Variants in SEL1L2 observed in about 807,000 individuals in gnomAD.
SEL1L2 encodes SEL1L2 adaptor subunit of SYVN1 ubiquitin ligase.
In SEL1L2, 89 loss-of-function variants were observed where a neutral mutation model predicts 98.8. The observed-to-expected ratio is 0.90, with a 90% confidence interval of 0.76 to 1.07. The LOEUF (loss-of-function observed/expected upper bound fraction) is 1.07, where lower values mean the gene tolerates loss of function less well. Among genes scored for constraint, SEL1L2 ranks in the 50% least tolerant of loss-of-function variants. The pLI, the probability that SEL1L2 is intolerant of heterozygous loss-of-function variation, is 0.00. For missense variants in SEL1L2, 788 were observed against 812.0 expected (o/e 0.97, Z 0.36); for synonymous variants, 262 against 278.5 (o/e 0.94, Z 0.59).
intron 13 of SEL1L2, 77 bp from the exon 14 acceptor site, chr20:13,869,667 A>G (rs2147851595): frequency 9.4e-7 from 1 of 1,064,978 alleles, no homozygotes; most frequent in South Asian, 1.3e-5. Context: ...ACTTCTTAAA[A>G]AGAGTATAGA....
intron 1 of SEL1L2, among the ~76,000 whole-genome samples, chr20:13,960,941 T>C (rs2050749125): frequency 1.3e-5 from 2 of 152,174 alleles, no homozygotes; most frequent in Admixed American, 6.5e-5. Flanking sequence ...GCGTACACCA[T>C]CAAAAATGTC....
chr20:13,853,833 G>A (rs895884675), intron 18 of SEL1L2, among the ~76,000 whole-genome samples: 14 of 152,116 alleles, frequency 9.2e-5, no homozygotes, highest in Admixed American at 2.6e-4. Context: ...ATACAATAAC[G>A]TATATAACAT....
intron 4 of SEL1L2, among the ~76,000 whole-genome samples, chr20:13,915,857 A>G (rs1005577088): frequency 2.0e-5 from 3 of 152,224 alleles, no homozygotes; most frequent in Non-Finnish European, 1.5e-5. Flanking sequence ...AGACAATTTA[A>G]TTAGTTATCT....
intron 2 of SEL1L2, 112 bp from the exon 3 acceptor site, chr20:13,931,883 A>C: frequency 1.2e-6 from 1 of 801,708 alleles, no homozygotes; most frequent in Non-Finnish European, 1.8e-6. Context: ...GCTTAATGCA[A>C]TTACTCTAAT....
chr20:13,894,836 T>A (rs948644870), intron 5 of SEL1L2, among the ~76,000 whole-genome samples: 1 of 152,204 alleles, frequency 6.6e-6, no homozygotes, highest in African/African-American at 2.4e-5. Flanking sequence ...AGTTAGTAGA[T>A]TGAATCAGTA....
intron 9 of SEL1L2, 116 bp downstream of exon 9, chr20:13,886,172 G>A (rs557339017): frequency 7.5e-5 from 46 of 616,608 alleles, no homozygotes; most frequent in Non-Finnish European, 1.1e-4. Flanking sequence ...AGGAGGGCGG[G>A]TCTCCCCCCA....
chr20:13,873,582 G>T (rs993137162), intron 12 of SEL1L2, among the ~76,000 whole-genome samples: 1 of 151,572 alleles, frequency 6.6e-6, no homozygotes, highest in Admixed American at 6.6e-5. Context: ...GGATGGTCTC[G>T]ATCTCTTGAC....
At chr20:13,894,358 G>A (rs994897437) in intron 5 of SEL1L2, among the ~76,000 whole-genome samples, 12 of 152,288 alleles carry the variant, frequency 7.9e-5, no homozygotes, top group Admixed American at 4.6e-4. Context: ...TCAGGAGTTC[G>A]AGACCAAGCT....
At chr20:13,985,955 T>C (rs936059530) in intron 1 of SEL1L2, among the ~76,000 whole-genome samples, 6 of 152,220 alleles carry the variant, frequency 3.9e-5, no homozygotes, top group Admixed American at 3.3e-4. Flanking sequence ...GTATTCAAGG[T>C]TATCCATATC....
intron 4 of SEL1L2, 63 bp from the exon 5 acceptor site, chr20:13,914,007 A>T: frequency 1.4e-6 from 2 of 1,407,516 alleles, no homozygotes; most frequent in Non-Finnish European, 1.9e-6. Flanking sequence ...TCCTTCTTCA[A>T]CACTATTCAT....
intron 11 of SEL1L2, among the ~76,000 whole-genome samples, chr20:13,876,901 G>A (rs908803363): frequency 1.7e-4 from 26 of 151,998 alleles, no homozygotes; most frequent in Admixed American, 7.9e-4. Flanking sequence ...TCAGCTCACT[G>A]CACCCTCTGC....
At chr20:13,957,099 T>A (rs949075486) in intron 1 of SEL1L2, among the ~76,000 whole-genome samples, 3 of 151,660 alleles carry the variant, frequency 2.0e-5, no homozygotes, top group African/African-American at 4.8e-5. Flanking sequence ...TTAATTAATT[T>A]ATTTCTACTT....
At chr20:13,906,253 A>G (rs796091393) in intron 5 of SEL1L2, among the ~76,000 whole-genome samples, 2 of 152,294 alleles carry the variant, frequency 1.3e-5, no homozygotes, top group Admixed American at 6.5e-5. Flanking sequence ...ATTTAAATTA[A>G]TAGAGTTCAG....
chr20:13,877,403 T>C (rs2046485181), intron 11 of SEL1L2, 117 bp downstream of exon 11: 2 of 732,262 alleles, frequency 2.7e-6, no homozygotes, highest in East Asian at 2.6e-5. Context: ...CTGTGCTCAA[T>C]GATCTTTCCA....
rs966122557 is a variant in SEL1L2 at position 13,902,846 on chromosome 20, G to A, written c.549+10936C>T. ...GAAAAGTAAAATTCCGGCCAGGCGC[G>A]GTGGCTCACGCCTGTAATCCCAGTA... On this transcript the variant is annotated intron_variant, in intron 5 of 19. Transcript: ENST00000284951. Among the ~76,000 whole-genome samples the A allele has an allele frequency of 2.0e-5, 3 of 152,042 alleles. No homozygotes were observed. The South Asian group carries it at 6.2e-4, about 32-fold the overall frequency.
chr20:13,933,404 T>A (rs1357516539), intron 2 of SEL1L2, among the ~76,000 whole-genome samples: 3 of 152,062 alleles, frequency 2.0e-5, no homozygotes, highest in African/African-American at 7.2e-5. Context: ...ATCCTTTAGC[T>A]ATCACCTTCC....
chr20:13,851,120 C>T (rs1261111625), intron 18 of SEL1L2, among the ~76,000 whole-genome samples: 2 of 151,842 alleles, frequency 1.3e-5, no homozygotes, highest in Non-Finnish European at 2.9e-5. Flanking sequence ...GCCTGTAATC[C>T]CAGTTATTTG....
chr20:13,893,097 C>G (rs1273004061), intron 5 of SEL1L2, among the ~76,000 whole-genome samples: 1 of 152,198 alleles, frequency 6.6e-6, no homozygotes, highest in African/African-American at 2.4e-5. Flanking sequence ...CTGGAACCAG[C>G]TAATTAAGAC....
chr20:13,925,369 G>T (rs1277896551), intron 3 of SEL1L2, among the ~76,000 whole-genome samples: 1 of 152,216 alleles, frequency 6.6e-6, no homozygotes, highest in Non-Finnish European at 1.5e-5. Flanking sequence ...AAATCAGGTG[G>T]CATAAATTCA....
Sources: allele counts gnomAD v4.1 joint callset (sites outside exome capture counted in the v4.1 genomes callset), GRCh38; gene constraint gnomAD v4.1.1; transcripts MANE v1.5; gene names NCBI Gene and HGNC (gene_info 2026-07-23, HGNC 2026-07-21).